Variants in FAM171A1 observed in about 807,000 individuals in gnomAD.
The protein encoded by FAM171A1 is family with sequence similarity 171 member A1.
In FAM171A1, 23 loss-of-function variants were observed where a neutral mutation model predicts 74.9. The observed-to-expected ratio is 0.31, with a 90% confidence interval of 0.22 to 0.44. FAM171A1 has a LOEUF of 0.44. Ranked by LOEUF, FAM171A1 falls within the 20% of genes least tolerant of loss-of-function variation. The pLI, the probability that FAM171A1 is intolerant of heterozygous loss-of-function variation, is 1.00. For synonymous variants in FAM171A1, 527 were observed against 505.7 expected (o/e 1.04, Z -0.57); for missense variants, 1,162 against 1,159.2 (o/e 1.00, Z -0.03).
chr10:15,242,627 AAAC>A (rs1834376937), intron 5 of FAM171A1, among the ~76,000 whole-genome samples: 1 of 152,178 alleles, frequency 6.6e-6, no homozygotes, highest in Admixed American at 6.5e-5. Flanking sequence ...TACGGAAAAT[AAAC>A]AATAAAACAA....
In FAM171A1 at chr10:15,216,769, G is replaced by A. The variant is rs4615915; in HGVS notation, c.872-659C>T. 3.1e-3 allele frequency among the ~76,000 whole-genome samples: 473 copies of A among 150,200 alleles called. 2 individuals carry two copies. Among genetic ancestry groups the A allele is most frequent in the African/African-American group, 0.011 (434 of 40,814 alleles). ...TCATACAAGAAAATGAACGCATGAC[G>A]ATATAATGACTGGGACTCTCACCTT... On this transcript the variant is annotated intron_variant, in intron 6 of 7. Transcript: ENST00000378116.
intron 1 of FAM171A1, among the ~76,000 whole-genome samples, chr10:15,337,733 G>C (rs1835720393): frequency 6.6e-6 from 1 of 152,244 alleles, no homozygotes; most frequent in African/African-American, 2.4e-5. Context: ...CGGATCACTT[G>C]AGATCGGGAA....
At chr10:15,311,438 C>T (rs1345250175) in intron 1 of FAM171A1, among the ~76,000 whole-genome samples, 1 of 152,202 alleles carries the variant, frequency 6.6e-6, no homozygotes, top group Non-Finnish European at 1.5e-5. Flanking sequence ...CACTGGAAGG[C>T]TCCACTCTGT....
At position 15,272,302 on chromosome 10, in the gene FAM171A1, T is replaced by A. The variant is rs1196727731; in HGVS notation, c.418+3553A>T. ...AGATCAAAAGAGACAAAGAAGGCCA[T>A]TACATAATGGTAAAGGGATCAATTC... On this transcript the variant is annotated intron_variant, in intron 3 of 7. Coordinates refer to ENST00000378116, the MANE Select transcript of FAM171A1 (RefSeq NM_001010924.2). Among the ~76,000 whole-genome samples the A allele has an allele frequency of 2.0e-5, 3 of 152,242 alleles. No individual in the cohort carries two copies. In the East Asian group the frequency reaches 5.8e-4, roughly 29 times the overall value.
intron 1 of FAM171A1, among the ~76,000 whole-genome samples, chr10:15,333,735 C>T (rs933463882): frequency 6.6e-6 from 1 of 151,044 alleles, no homozygotes; most frequent in Non-Finnish European, 1.5e-5. Context: ...ACTCAGGGGA[C>T]TGTCATGGGA....
chr10:15,259,810 G>A (rs780552867), intron 3 of FAM171A1, among the ~76,000 whole-genome samples: 7 of 151,574 alleles, frequency 4.6e-5, no homozygotes, highest in Non-Finnish European at 8.8e-5. Flanking sequence ...GCATGACTAA[G>A]TCTGATTGTT....
chr10:15,296,586 G>A (rs1326392956), intron 1 of FAM171A1, among the ~76,000 whole-genome samples: 2 of 152,200 alleles, frequency 1.3e-5, no homozygotes, highest in Admixed American at 1.3e-4. Flanking sequence ...GCATACTTCA[G>A]AGAGACGAAT....
intron 1 of FAM171A1, 108 bp from the exon 2 acceptor site, chr10:15,284,213 A>G: frequency 1.1e-6 from 1 of 950,698 alleles, no homozygotes; most frequent in South Asian, 1.6e-5. Flanking sequence ...TAAGGACATC[A>G]AGGTTGACAC....
intron 5 of FAM171A1, chr10:15,241,874 C>T (rs183621163): frequency 7.9e-5 from 12 of 152,060 alleles, no homozygotes; most frequent in African/African-American, 2.9e-4. Context: ...ACTTTGTACC[C>T]CTTGATCAAC....
chr10:15,251,401 GA>G (rs1834505881), intron 4 of FAM171A1, among the ~76,000 whole-genome samples: 1 of 143,944 alleles, frequency 6.9e-6, no homozygotes, highest in African/African-American at 2.6e-5. Flanking sequence ...ATTCTGCAAC[GA>G]TTTTTTTTTT....
rs139938475 is a variant in FAM171A1 at position 15,213,284 on chromosome 10, G to A, written c.2304C>T (p.Pro768=). The change falls in exon 8 of 8, where the codon CCC becomes CCT. Residue 768 remains proline, a synonymous_variant. Transcript: ENST00000378116. The surrounding 1 kb of genome is among the most constrained non-coding windows in gnomAD (Gnocchi z 6.8). ...DALSLQQNYP[P]VQEHQQKEPR... is the part of the protein sequence containing the mutation. ...GCTCTTTCTGCTGGTGCTCTTGGAC[G>A]GGCGGGTAGTTCTGCTGCAGAGACA... The A allele has an allele frequency of 3.5e-4, 563 of 1,614,058 alleles. No homozygotes were observed. Among genetic ancestry groups the A allele is most frequent in the Admixed American group, 1.9e-3 (113 of 60,024 alleles).
At chr10:15,339,599 C>T (rs1331538920) in intron 1 of FAM171A1, among the ~76,000 whole-genome samples, 1 of 152,186 alleles carries the variant, frequency 6.6e-6, no homozygotes, top group Non-Finnish European at 1.5e-5. Context: ...GTCCTACTAT[C>T]CACAGTATTC....
At chr10:15,235,355 G>A (rs952805984) in intron 5 of FAM171A1, among the ~76,000 whole-genome samples, 8 of 148,356 alleles carry the variant, frequency 5.4e-5, no homozygotes, top group Admixed American at 2.7e-4. Context: ...CAGCTGAGTC[G>A]GCCTTAGGTT....
intron 1 of FAM171A1, among the ~76,000 whole-genome samples, chr10:15,318,140 AG>A (rs1835444476): frequency 6.6e-6 from 1 of 152,210 alleles, no homozygotes; most frequent in African/African-American, 2.4e-5. Context: ...AAAATTCTGG[AG>A]ACACATGGTC....
chr10:15,364,055 G>T (rs554822152), intron 1 of FAM171A1, among the ~76,000 whole-genome samples: 3 of 151,946 alleles, frequency 2.0e-5, no homozygotes, highest in Non-Finnish European at 4.4e-5. Context: ...GGTGGAGGGT[G>T]GGGGGGCGGT....
intron 1 of FAM171A1, among the ~76,000 whole-genome samples, chr10:15,312,854 C>T (rs574765876): frequency 6.6e-6 from 1 of 151,474 alleles, no homozygotes; most frequent in African/African-American, 2.4e-5. Flanking sequence ...CACCACCACG[C>T]CCGGTTAATT....
At chr10:15,315,816 T>C (rs963696590) in intron 1 of FAM171A1, among the ~76,000 whole-genome samples, 1 of 152,142 alleles carries the variant, frequency 6.6e-6, no homozygotes, top group Non-Finnish European at 1.5e-5. Flanking sequence ...GGAGAGGTGT[T>C]TGATTTTTAC....
At chr10:15,359,000 C>T (rs1835963384) in intron 1 of FAM171A1, among the ~76,000 whole-genome samples, 1 of 152,172 alleles carries the variant, frequency 6.6e-6, no homozygotes, top group African/African-American at 2.4e-5. Flanking sequence ...TCACAGTCCT[C>T]TTCTATAGAG....
chr10:15,276,711 G>C (rs1303313798), intron 2 of FAM171A1, among the ~76,000 whole-genome samples: 4 of 152,090 alleles, frequency 2.6e-5, no homozygotes, highest in Non-Finnish European at 5.9e-5. Flanking sequence ...TTGAGACACG[G>C]TCTCACTCTG....
Sources: allele counts gnomAD v4.1 joint callset (sites outside exome capture counted in the v4.1 genomes callset), GRCh38; gene constraint gnomAD v4.1.1; non-coding constraint Gnocchi (gnomAD v3.1); transcripts MANE v1.5; gene names NCBI Gene and HGNC (gene_info 2026-07-23, HGNC 2026-07-21).